The following RALYL variants were observed in gnomAD, a reference collection of about 807,000 sequenced individuals.
RALYL encodes the protein RNA-binding Raly-like protein.
RALYL carries 29 observed loss-of-function variants against 35.1 expected under a neutral mutation model. The observed-to-expected ratio is 0.83, with a 90% CI of 0.61 to 1.13. The LOEUF is 1.13. RALYL is among the 50% of genes most tolerant of loss of function. The probability of loss-of-function intolerance (pLI) is 0.00; values close to 1 mark genes in which losing one functional copy is unlikely to be tolerated. For missense variants in RALYL, 359 were observed against 360.4 expected, an observed-to-expected ratio of 1.00 and a Z score of 0.03; for synonymous variants, 120 against 127.6, an observed-to-expected ratio of 0.94 and a Z score of 0.40.
intron 1 of RALYL, among the ~76,000 whole-genome samples, chr8:84,243,445 T>C (rs1400018584): frequency 6.6e-6 from 1 of 152,086 alleles, no homozygotes; most frequent in Non-Finnish European, 1.5e-5. Flanking sequence ...GCAATATTGA[T>C]TTTTCCTATC....
At chr8:84,390,320 C>G (rs1050374230) in intron 1 of RALYL, among the ~76,000 whole-genome samples, 14 of 152,074 alleles carry the variant, frequency 9.2e-5, no homozygotes, top group African/African-American at 3.1e-4. Flanking sequence ...GGTTGTGTCT[C>G]TGCCTGACTT....
intron 2 of RALYL, among the ~76,000 whole-genome samples, chr8:84,632,014 T>C (rs1011296823): frequency 6.6e-6 from 1 of 151,826 alleles, no homozygotes; most frequent in Admixed American, 6.6e-5. Context: ...GTTGAAATTG[T>C]AACTCCTAAA....
intron 4 of RALYL, among the ~76,000 whole-genome samples, chr8:84,842,453 C>A (rs1193346334): frequency 6.6e-6 from 1 of 152,056 alleles, no homozygotes; most frequent in Non-Finnish European, 1.5e-5. Flanking sequence ...CAATAACAGG[C>A]TCTGAAATTG....
chr8:84,912,038 G>T (rs1847591343), intron 8 of RALYL, among the ~76,000 whole-genome samples: 1 of 152,026 alleles, frequency 6.6e-6, no homozygotes, highest in African/African-American at 2.4e-5. Context: ...TTAAGCTCCA[G>T]CACCTCTCAC....
chr8:84,859,894 A>G (rs7837606), intron 5 of RALYL, among the ~76,000 whole-genome samples: 139,866 of 152,110 alleles, frequency 0.92, 64,432 homozygotes, highest in African/African-American at 0.98. Context: ...CTTTGAAGTA[A>G]CTCACCAAAA....
At chr8:84,857,200 T>C (rs2134965211) in intron 5 of RALYL, among the ~76,000 whole-genome samples, 2 of 152,272 alleles carry the variant, frequency 1.3e-5, no homozygotes, top group South Asian at 4.1e-4. Flanking sequence ...TGGAGCAAGA[T>C]CTTCTCTGGT....
intron 1 of RALYL, among the ~76,000 whole-genome samples, chr8:84,241,924 G>T (rs1029241727): frequency 1.3e-5 from 2 of 152,064 alleles, no homozygotes; most frequent in Non-Finnish European, 2.9e-5. Context: ...GGCCATGGTG[G>T]TTTGTTGCAC....
intron 2 of RALYL, among the ~76,000 whole-genome samples, chr8:84,769,279 A>G (rs1010344414): frequency 2.0e-5 from 3 of 152,024 alleles, no homozygotes; most frequent in Admixed American, 6.6e-5. Flanking sequence ...AAGAGTCACT[A>G]TTTTCCTGAG....
At chr8:84,358,175 C>T (rs534174224) in intron 1 of RALYL, among the ~76,000 whole-genome samples, 1 of 151,780 alleles carries the variant, frequency 6.6e-6, no homozygotes, top group Non-Finnish European at 1.5e-5. Context: ...ATATTTTATT[C>T]ATTGTTTTTT....
chr8:84,897,060 T>A (rs1208308571), intron 8 of RALYL, among the ~76,000 whole-genome samples: 2 of 152,152 alleles, frequency 1.3e-5, no homozygotes, highest in African/African-American at 2.4e-5. Context: ...TACATAGAAA[T>A]GGAATTGAAT....
chr8:84,351,814 G>A (rs1320367440), intron 1 of RALYL, among the ~76,000 whole-genome samples: 1 of 150,214 alleles, frequency 6.7e-6, no homozygotes, highest in South Asian at 2.1e-4. Context: ...AATATGCGTT[G>A]TGCTTATTCA....
chr8:84,623,190 T>C (rs1821946548), intron 2 of RALYL, among the ~76,000 whole-genome samples: 1 of 152,196 alleles, frequency 6.6e-6, no homozygotes, highest in South Asian at 2.1e-4. Context: ...CTGTTAGATT[T>C]GTTGTTTTAT....
chr8:84,773,123 G>A lies in RALYL; in HGVS notation c.257-1456G>A, dbSNP rs1326011379. Among the ~76,000 whole-genome samples, 5 of 152,236 alleles carry A rather than the reference G, an allele frequency of 3.3e-5. No homozygotes were observed. In the East Asian group the frequency reaches 9.7e-4, roughly 29 times the overall value. On this transcript the variant is annotated intron_variant, in intron 2 of 8. Transcript: ENST00000521268. ...TGACCTGTGCCCGCTGAACCACAAG[G>A]ATGTAAAAACTAAAACTCATGTTCT...
chr8:84,508,156 A>C (rs2057328063), intron 1 of RALYL, among the ~76,000 whole-genome samples: 2 of 152,110 alleles, frequency 1.3e-5, no homozygotes, highest in African/African-American at 4.8e-5. Context: ...ATTATCCCTC[A>C]GATTTGAATT....
intron 2 of RALYL, among the ~76,000 whole-genome samples, chr8:84,541,120 C>A (rs2059990810): frequency 6.6e-6 from 1 of 151,574 alleles, no homozygotes; most frequent in African/African-American, 2.4e-5. Context: ...GGAATAATAT[C>A]CTTTTTTTTT....
intron 1 of RALYL, among the ~76,000 whole-genome samples, chr8:84,387,211 G>A (rs886628847): frequency 1.3e-5 from 2 of 151,818 alleles, no homozygotes; most frequent in African/African-American, 4.8e-5. Flanking sequence ...CATTTTCTGT[G>A]TGCCAGGTAC....
chr8:84,217,104 C>G (rs1821017644), intron 1 of RALYL, among the ~76,000 whole-genome samples: 2 of 152,098 alleles, frequency 1.3e-5, no homozygotes, highest in African/African-American at 2.4e-5. Context: ...AGCCTCTGAG[C>G]TTGTGCAAAC....
intron 2 of RALYL, among the ~76,000 whole-genome samples, chr8:84,715,206 T>C (rs1195177831): frequency 1.3e-5 from 2 of 151,902 alleles, no homozygotes; most frequent in Admixed American, 6.6e-5. Flanking sequence ...TTGACAAATA[T>C]ATTGAATGTT....
chr8:84,393,667 C>A (rs1267579566), intron 1 of RALYL, among the ~76,000 whole-genome samples: 1 of 152,078 alleles, frequency 6.6e-6, no homozygotes, highest in African/African-American at 2.4e-5. Context: ...GTGCTTTAAT[C>A]TTTTCTGCTA....
Sources: allele counts gnomAD v4.1 joint callset (sites outside exome capture counted in the v4.1 genomes callset), GRCh38; gene constraint gnomAD v4.1.1; transcripts MANE v1.5; gene names NCBI Gene and HGNC (gene_info 2026-07-23, HGNC 2026-07-21).